Variants in RIMS2 observed in about 807,000 individuals in gnomAD.
The protein encoded by RIMS2 is regulating synaptic membrane exocytosis 2.
RIMS2 carries 59 observed loss-of-function variants against 174.4 expected under a neutral mutation model. That is an observed-to-expected ratio of 0.34 (90% CI 0.27 to 0.42). The LOEUF (loss-of-function observed/expected upper bound fraction) is 0.42. Ranked by LOEUF, RIMS2 falls within the 10% of genes least tolerant of loss-of-function variation. RIMS2 has a pLI of 1.00. For synonymous variants in RIMS2, 606 were observed against 572.5 expected, an observed-to-expected ratio of 1.06 and a Z score of -0.84; for missense variants, 1,620 against 1,666.3, an observed-to-expected ratio of 0.97 and a Z score of 0.48.
intron 1 of RIMS2, chr8:103,568,582 T>A (rs1207100110): frequency 1.9e-6 from 1 of 515,638 alleles, no homozygotes; most frequent in Non-Finnish European, 3.7e-6. Flanking sequence ...GGGTACTACT[T>A]CTTGTCTTCA....
chr8:103,758,900 C>G (rs1276825806), intron 2 of RIMS2, among the ~76,000 whole-genome samples: 1 of 152,118 alleles, frequency 6.6e-6, no homozygotes, highest in Admixed American at 6.5e-5. Flanking sequence ...GTAAAACTCA[C>G]TATAATTTTA....
chr8:103,833,270 T>C (rs1449542814), intron 3 of RIMS2, among the ~76,000 whole-genome samples: 1 of 152,214 alleles, frequency 6.6e-6, no homozygotes, highest in South Asian at 2.1e-4. Context: ...TAATTTGTTT[T>C]CTTTGGTTTC....
chr8:103,783,780 C>A (rs1194391208), intron 3 of RIMS2, among the ~76,000 whole-genome samples: 3 of 149,936 alleles, frequency 2.0e-5, no homozygotes, highest in Non-Finnish European at 4.5e-5. Flanking sequence ...TGGGTATATG[C>A]CCAGTAATGG....
At chr8:103,747,924 C>T (rs960761701) in intron 2 of RIMS2, among the ~76,000 whole-genome samples, 2 of 152,120 alleles carry the variant, frequency 1.3e-5, no homozygotes, top group African/African-American at 4.8e-5. Context: ...TATAGTTTAT[C>T]TTAGAATAGT....
chr8:104,159,155 C>T (rs2098744666), intron 19 of RIMS2, among the ~76,000 whole-genome samples: 1 of 152,112 alleles, frequency 6.6e-6, no homozygotes, highest in Non-Finnish European at 1.5e-5. Flanking sequence ...AATAAGGAAT[C>T]CTTTCCCCAT....
chr8:103,661,835 T>C lies in RIMS2; in HGVS notation c.177-35251T>C, dbSNP rs530239424. Among the ~76,000 whole-genome samples, 36 of 152,308 alleles carry C rather than the reference T, an allele frequency of 2.4e-4. No homozygotes were observed. In the South Asian group the frequency reaches 2.7e-3, roughly 11 times the overall value. ...GCTGTTTTTTGAGCATGCCTTACCA[T>C]TTGATGTTTTGGTGCCTTTGCATCT... On this transcript the variant is annotated intron_variant, in intron 1 of 23. Transcript: ENST00000504942.
At chr8:103,770,892 A>C (rs934370661) in intron 3 of RIMS2, among the ~76,000 whole-genome samples, 9 of 152,152 alleles carry the variant, frequency 5.9e-5, no homozygotes, top group Non-Finnish European at 1.2e-4. Context: ...AGCATTAGTA[A>C]TTTGTTTTTT....
chr8:103,791,517 G>A (rs771306968), intron 3 of RIMS2, among the ~76,000 whole-genome samples: 3 of 152,012 alleles, frequency 2.0e-5, no homozygotes, highest in East Asian at 1.9e-4. Context: ...ATCAACTAAC[G>A]AGCAAAATAA....
At chr8:103,793,935 A>G (rs903324438) in intron 3 of RIMS2, among the ~76,000 whole-genome samples, 2 of 152,222 alleles carry the variant, frequency 1.3e-5, no homozygotes, top group Non-Finnish European at 2.9e-5. Flanking sequence ...ATAAAAGAGG[A>G]CATAAACAAA....
intron 13 of RIMS2, among the ~76,000 whole-genome samples, chr8:103,942,537 G>A (rs192405049): frequency 1.3e-5 from 2 of 152,070 alleles, no homozygotes; most frequent in Non-Finnish European, 1.5e-5. Flanking sequence ...GTAGTGGGTA[G>A]TCAAGGGTCA....
Position 103,968,858 on chromosome 8 carries a change from TA to T in RIMS2, c.2771-6483del, listed in dbSNP as rs542819469. ...TGACCTATATCTTTTTCATTCTTTC[TA>T]AAAAAAAATTACTTTAATATTTCTT... On this transcript the variant is annotated intron_variant, in intron 15 of 23. Transcript: ENST00000504942. Among the ~76,000 whole-genome samples the T allele has an allele frequency of 9.2e-3, 1,389 of 151,622 alleles. 19 individuals are homozygous for T. The highest frequency in any genetic ancestry group is 0.03 in the African/African-American group (1,256 of 41,392).
chr8:103,870,483 A>G (rs2099105981), intron 3 of RIMS2, among the ~76,000 whole-genome samples: 1 of 152,150 alleles, frequency 6.6e-6, no homozygotes, highest in South Asian at 2.1e-4. Flanking sequence ...CCTCATACCC[A>G]TTATAGAAAT....
At chr8:103,880,441 C>T (rs1487577106) in intron 3 of RIMS2, 1 of 358,086 alleles carries the variant, frequency 2.8e-6, no homozygotes, top group Non-Finnish European at 5.0e-6. Context: ...CTTAACAGGC[C>T]CATCACTAGA....
intron 19 of RIMS2, among the ~76,000 whole-genome samples, chr8:104,056,909 T>G (rs566970610): frequency 6.6e-6 from 1 of 151,964 alleles, no homozygotes; most frequent in Non-Finnish European, 1.5e-5. Flanking sequence ...AAGTTTTTAT[T>G]TAATCCTAAG....
At chr8:103,505,205 T>C (rs1419169682) in intron 1 of RIMS2, among the ~76,000 whole-genome samples, 2 of 152,150 alleles carry the variant, frequency 1.3e-5, no homozygotes, top group African/African-American at 4.8e-5. Flanking sequence ...CTGTTACTAG[T>C]ATATTTTATA....
intron 1 of RIMS2, among the ~76,000 whole-genome samples, chr8:103,536,206 G>T (rs1839684883): frequency 1.3e-5 from 2 of 152,142 alleles, no homozygotes; most frequent in African/African-American, 4.8e-5. Context: ...GTTCTAGAAA[G>T]ATGCTCTCTT....
chr8:103,885,682 A>G, exon 4 of RIMS2: 1 of 1,613,100 alleles, frequency 6.2e-7, no homozygotes, highest in Non-Finnish European at 8.5e-7. Flanking sequence ...AAGTGTCCCG[A>G]GCACGGCATG....
At chr8:103,559,257 G>T in intron 1 of RIMS2, 1 of 182,958 alleles carries the variant, frequency 5.5e-6, no homozygotes, top group South Asian at 1.0e-4. Flanking sequence ...CTCATTGCCA[G>T]CCTTCTGATC....
chr8:103,688,938 T>A (rs1590365570), intron 1 of RIMS2, among the ~76,000 whole-genome samples: 1 of 152,190 alleles, frequency 6.6e-6, no homozygotes, highest in East Asian at 1.9e-4. Context: ...TGGTCGTAAT[T>A]TTAGGCTGTT....
Sources: allele counts gnomAD v4.1 joint callset (sites outside exome capture counted in the v4.1 genomes callset), GRCh38; gene constraint gnomAD v4.1.1; transcripts MANE v1.5; gene names NCBI Gene and HGNC (gene_info 2026-07-23, HGNC 2026-07-21).